Variants in CERS6 observed in about 807,000 individuals in gnomAD.
CERS6 encodes the protein LAG1 homolog, ceramide synthase 6.
A neutral mutation model predicts 56.8 loss-of-function variants in CERS6; 26 were observed. That is an observed-to-expected ratio of 0.46 (90% confidence interval 0.34 to 0.63). The LOEUF (loss-of-function observed/expected upper bound fraction) is 0.63, where lower values mean the gene tolerates loss of function less well. Ranked by LOEUF, CERS6 falls within the 30% of genes least tolerant of loss-of-function variation. The pLI, the probability that CERS6 is intolerant of heterozygous loss-of-function variation, is 0.01. For missense variants in CERS6, 415 were observed against 467.5 expected (o/e 0.89, Z 1.04); for synonymous variants, 164 against 173.3 (o/e 0.95, Z 0.42).
rs116723056 is a variant in CERS6 at position 168,766,729 on chromosome 2, T to C, written c.1002+981T>C. Among the ~76,000 whole-genome samples the C allele has an allele frequency of 3.4e-3, 513 of 152,306 alleles. 1 individual carries two copies. The highest frequency in any genetic ancestry group is 5.7e-3 in the Non-Finnish European group (391 of 68,024). ...GTTGGAGGGGGAGAGGATCAACACATTGCAGAATGGAGGCCTGAGCATCAG... is the reference window on the plus strand; with the variant it reads ...GTTGGAGGGGGAGAGGATCAACACACTGCAGAATGGAGGCCTGAGCATCAG... On this transcript the variant is annotated intron_variant, in intron 9 of 9. Coordinates refer to ENST00000305747, the MANE Select transcript of CERS6 (RefSeq NM_203463.3).
intron 1 of CERS6, among the ~76,000 whole-genome samples, chr2:168,545,710 A>G (rs1224094660): frequency 6.6e-6 from 1 of 152,144 alleles, no homozygotes; most frequent in Admixed American, 6.5e-5. Flanking sequence ...AAATGTCTTG[A>G]CCCCCTCCTG....
intron 3 of CERS6, among the ~76,000 whole-genome samples, chr2:168,581,060 C>A (rs1246729040): frequency 1.3e-5 from 2 of 151,554 alleles, no homozygotes; most frequent in African/African-American, 4.9e-5. Flanking sequence ...ACTCTGTCAC[C>A]CAGGCTGGAG....
At chr2:168,496,252 G>C (rs1194179039) in intron 1 of CERS6, among the ~76,000 whole-genome samples, 1 of 151,674 alleles carries the variant, frequency 6.6e-6, no homozygotes, top group Non-Finnish European at 1.5e-5. Context: ...GAATAATCTT[G>C]TATATATATC....
chr2:168,665,833 G>C (rs371035891), intron 4 of CERS6, among the ~76,000 whole-genome samples: 24 of 152,142 alleles, frequency 1.6e-4, no homozygotes, highest in Non-Finnish European at 4.4e-5. Flanking sequence ...AGCTCAAGAA[G>C]TTATATACTC....
intron 1 of CERS6, among the ~76,000 whole-genome samples, chr2:168,501,580 A>T (rs979707119): frequency 2.0e-5 from 3 of 152,092 alleles, no homozygotes; most frequent in Non-Finnish European, 4.4e-5. Flanking sequence ...TTTCAAAAGG[A>T]GAGAGTCAAT....
chr2:168,662,049 TA>T (rs1685643296), intron 4 of CERS6, among the ~76,000 whole-genome samples: 1 of 152,092 alleles, frequency 6.6e-6, no homozygotes. Flanking sequence ...CAGGACAGAC[TA>T]TTACAATACT....
chr2:168,682,155 C>T (rs1365947712), intron 4 of CERS6, among the ~76,000 whole-genome samples: 1 of 152,142 alleles, frequency 6.6e-6, no homozygotes, highest in Non-Finnish European at 1.5e-5. Context: ...GTTGCTGGAT[C>T]ATATGGTAGT....
At chr2:168,699,732 T>C (rs990301294) in intron 6 of CERS6, among the ~76,000 whole-genome samples, 1 of 152,164 alleles carries the variant, frequency 6.6e-6, no homozygotes, top group Non-Finnish European at 1.5e-5. Flanking sequence ...TGGTCAGTGA[T>C]GAGAAATACT....
intron 9 of CERS6, 84 bp from the exon 10 acceptor site, chr2:168,769,426 G>A: frequency 1.6e-6 from 2 of 1,233,090 alleles, no homozygotes; most frequent in South Asian, 3.3e-5. Context: ...GTTTCCCCTT[G>A]TGTATGACTG....
intron 4 of CERS6, among the ~76,000 whole-genome samples, chr2:168,678,877 G>T (rs947126476): frequency 2.0e-5 from 3 of 152,148 alleles, no homozygotes; most frequent in African/African-American, 4.8e-5. Context: ...AGAGATATCT[G>T]CACTCCCATG....
chr2:168,466,460 T>A (rs1693879367), intron 1 of CERS6, among the ~76,000 whole-genome samples: 1 of 152,204 alleles, frequency 6.6e-6, no homozygotes, highest in South Asian at 2.1e-4. Context: ...TTCAGTTTAA[T>A]TTTCCATGCA....
intron 8 of CERS6, among the ~76,000 whole-genome samples, chr2:168,761,247 C>T (rs1684573879): frequency 6.6e-6 from 1 of 152,134 alleles, no homozygotes; most frequent in African/African-American, 2.4e-5. Flanking sequence ...TACTTTTGAG[C>T]AGCATCTCAA....
intron 6 of CERS6, among the ~76,000 whole-genome samples, chr2:168,710,644 T>G (rs1235789631): frequency 6.6e-6 from 1 of 152,232 alleles, no homozygotes. Flanking sequence ...GATTTTATCT[T>G]TCAGTGGAAA....
At chr2:168,487,714 G>A (rs6742527) in intron 1 of CERS6, among the ~76,000 whole-genome samples, 11,776 of 151,910 alleles carry the variant, frequency 0.078, 509 homozygotes, top group East Asian at 0.18. Context: ...TATTACTTTT[G>A]ATTTTTTAAT....
chr2:168,540,642 T>C (rs1319069714), intron 1 of CERS6, among the ~76,000 whole-genome samples: 1 of 152,262 alleles, frequency 6.6e-6, no homozygotes, highest in African/African-American at 2.4e-5. Context: ...TCTCAGAATG[T>C]ATCCCTATTG....
intron 4 of CERS6, among the ~76,000 whole-genome samples, chr2:168,661,969 G>A (rs1685641534): frequency 6.6e-6 from 1 of 152,170 alleles, no homozygotes; most frequent in South Asian, 2.1e-4. Flanking sequence ...AAGTAGATTG[G>A]CTTACAGACA....
chr2:168,531,166 G>A (rs562528161), intron 1 of CERS6, among the ~76,000 whole-genome samples: 2 of 152,298 alleles, frequency 1.3e-5, no homozygotes, highest in East Asian at 3.9e-4. Context: ...TGAAATATTT[G>A]AGGAGGTTAT....
Position 168,542,682 on chromosome 2 carries a change from G to T in CERS6, c.171-4914G>T, listed in dbSNP as rs977355607. ...TCATTGAGTACAAGGTTCATTTCAT[G>T]GTTTTCTTTTTTTTGGGGGGTGTTA... On this transcript the variant is annotated intron_variant, in intron 1 of 9. Coordinates refer to ENST00000305747, the MANE Select transcript of CERS6 (RefSeq NM_203463.3). 2.6e-5 allele frequency among the ~76,000 whole-genome samples: 4 copies of T among 151,416 alleles called. No homozygotes were observed. In the East Asian group the frequency reaches 7.8e-4, roughly 29 times the overall value.
At chr2:168,507,462 T>A (rs891997718) in intron 1 of CERS6, among the ~76,000 whole-genome samples, 2 of 152,190 alleles carry the variant, frequency 1.3e-5, no homozygotes, top group Non-Finnish European at 2.9e-5. Context: ...ATGACTGGGC[T>A]CAGTTAATGC....
Sources: allele counts gnomAD v4.1 joint callset (sites outside exome capture counted in the v4.1 genomes callset), GRCh38; gene constraint gnomAD v4.1.1; transcripts MANE v1.5; gene names NCBI Gene and HGNC (gene_info 2026-07-23, HGNC 2026-07-21).